ARHGAP42: variants seen among roughly 807,000 people sequenced by gnomAD.
The protein encoded by ARHGAP42 is Rho GTPase activating protein 42.
Under a neutral mutation model 125.0 loss-of-function variants are expected in ARHGAP42, and 63 were observed. That is an observed-to-expected ratio of 0.50 (90% CI 0.41 to 0.62). The LOEUF (loss-of-function observed/expected upper bound fraction) is 0.62, where lower values mean the gene tolerates loss of function less well. Among genes scored for constraint, ARHGAP42 ranks in the 20% least tolerant of loss-of-function variants. ARHGAP42 has a pLI of 0.00. For synonymous variants in ARHGAP42, 339 were observed against 351.0 expected, an observed-to-expected ratio of 0.97 and a Z score of 0.38; for missense variants, 766 against 1,024.2, an observed-to-expected ratio of 0.75 and a Z score of 3.44.
At chr11:100,901,233 G>A (rs1866537062) in intron 4 of ARHGAP42, among the ~76,000 whole-genome samples, 1 of 152,194 alleles carries the variant, frequency 6.6e-6, no homozygotes, top group South Asian at 2.1e-4. Context: ...CAGCAGAACA[G>A]CAAATATCGC....
chr11:100,933,852 A>G (rs1367923494), intron 7 of ARHGAP42, among the ~76,000 whole-genome samples: 1 of 152,048 alleles, frequency 6.6e-6, no homozygotes, highest in Admixed American at 6.6e-5. Context: ...CAATGGCATG[A>G]TCTCGGCTCA....
intron 1 of ARHGAP42, among the ~76,000 whole-genome samples, chr11:100,693,256 C>A (rs962733538): frequency 6.6e-6 from 1 of 151,066 alleles, no homozygotes; most frequent in Admixed American, 6.6e-5. Flanking sequence ...TGTAGTTGGG[C>A]AGCCTAATCA....
intron 3 of ARHGAP42, among the ~76,000 whole-genome samples, chr11:100,809,808 A>C (rs2135057363): frequency 6.6e-6 from 1 of 152,164 alleles, no homozygotes; most frequent in African/African-American, 2.4e-5. Context: ...TACAAAAATT[A>C]GCTGGGCATG....
intron 1 of ARHGAP42, among the ~76,000 whole-genome samples, chr11:100,690,905 C>T (rs1473999207): frequency 1.3e-5 from 2 of 152,102 alleles, no homozygotes; most frequent in African/African-American, 4.8e-5. Flanking sequence ...CGGCCAACAT[C>T]CATTATTACG....
chr11:100,859,689 GATGTTA>G, intron 4 of ARHGAP42, 64 bp downstream of exon 4: 1 of 1,264,334 alleles, frequency 7.9e-7, no homozygotes, highest in South Asian at 1.6e-5. Flanking sequence ...CATAATTTCA[GATGTTA>G]ACATTTTTGA....
chr11:100,936,981 G>A (rs556082919), intron 8 of ARHGAP42, among the ~76,000 whole-genome samples: 11 of 152,308 alleles, frequency 7.2e-5, no homozygotes, highest in Admixed American at 4.6e-4. Context: ...ATGCCCTAAG[G>A]CATCATTCTC....
chr11:100,743,753 G>T (rs888021326), intron 1 of ARHGAP42, among the ~76,000 whole-genome samples: 3 of 151,996 alleles, frequency 2.0e-5, no homozygotes, highest in Non-Finnish European at 2.9e-5. Flanking sequence ...TGAATGCTTT[G>T]TTCATTTCTT....
chr11:100,992,683 G>T lies in ARHGAP42; in HGVS notation c.*3882G>T, dbSNP rs1368718411. On this transcript the variant is annotated 3_prime_UTR_variant, in exon 24 of 24. Transcript: ENST00000298815. ...CACTTGGTAATAACGTTGGGAAAATGCAGGTTTATGAATGATGTGGACTTT... is the reference window on the plus strand; with the variant it reads ...CACTTGGTAATAACGTTGGGAAAATTCAGGTTTATGAATGATGTGGACTTT... 3 of 1,589,968 alleles carry T rather than the reference G, an allele frequency of 1.9e-6. No homozygotes were observed. The highest frequency in any genetic ancestry group is 3.6e-5 in the Admixed American group (2 of 55,932).
intron 5 of ARHGAP42, among the ~76,000 whole-genome samples, chr11:100,916,290 A>G (rs745726924): frequency 1.6e-3 from 249 of 152,350 alleles, no homozygotes; most frequent in Non-Finnish European, 1.7e-3. Context: ...ACCTGAATGC[A>G]TAAAAATAAG....
intron 3 of ARHGAP42, among the ~76,000 whole-genome samples, chr11:100,825,395 T>C (rs1027882671): frequency 1.3e-5 from 2 of 152,198 alleles, no homozygotes; most frequent in African/African-American, 4.8e-5. Flanking sequence ...AATGCTGCAT[T>C]TAGTTTTAGG....
chr11:100,950,057 A>G, intron 12 of ARHGAP42, 101 bp downstream of exon 12: 1 of 615,094 alleles, frequency 1.6e-6, no homozygotes, highest in Middle Eastern at 4.9e-4. Context: ...GTATAACACC[A>G]TTGATCTCAT....
intron 1 of ARHGAP42, among the ~76,000 whole-genome samples, chr11:100,713,127 A>T (rs1363869884): frequency 6.6e-6 from 1 of 152,242 alleles, no homozygotes; most frequent in East Asian, 1.9e-4. Flanking sequence ...TTCTCCTGGA[A>T]AACAGATTTA....
At chr11:100,747,915 C>T (rs549855289) in intron 1 of ARHGAP42, among the ~76,000 whole-genome samples, 7 of 152,142 alleles carry the variant, frequency 4.6e-5, no homozygotes, top group Admixed American at 3.3e-4. Flanking sequence ...TCTAAACAAC[C>T]ATTTAATTTA....
chr11:100,966,845 C>G (rs114634196), intron 17 of ARHGAP42, among the ~76,000 whole-genome samples: 2 of 152,118 alleles, frequency 1.3e-5, no homozygotes, highest in African/African-American at 4.8e-5. Context: ...TTTAAACTTA[C>G]TTAAGAATTT....
At chr11:100,955,795 G>A (rs569680389) in intron 12 of ARHGAP42, among the ~76,000 whole-genome samples, 5 of 65,120 alleles carry the variant, frequency 7.7e-5, no homozygotes, top group Non-Finnish European at 8.9e-5. Flanking sequence ...AAGAGTTCCC[G>A]GGTGTTTTTG....
chr11:100,934,290 TG>T (rs1418747276), intron 7 of ARHGAP42, among the ~76,000 whole-genome samples: 2 of 152,128 alleles, frequency 1.3e-5, no homozygotes, highest in African/African-American at 4.8e-5. Flanking sequence ...TTGTAGTTCA[TG>T]GGCATGATGT....
At chr11:100,794,481 C>T (rs1266205734) in intron 2 of ARHGAP42, among the ~76,000 whole-genome samples, 1 of 152,148 alleles carries the variant, frequency 6.6e-6, no homozygotes, top group African/African-American at 2.4e-5. Context: ...AATGCAGATT[C>T]TGGGGTGGGG....
intron 3 of ARHGAP42, chr11:100,859,240 T>C (rs1239941922): frequency 4.5e-6 from 1 of 223,570 alleles, no homozygotes; most frequent in East Asian, 1.0e-4. Flanking sequence ...TATAGGTATT[T>C]GTAAATTTAA....
At position 100,796,306 on chromosome 11, in the gene ARHGAP42, T is replaced by C. The variant is rs1863712338; in HGVS notation, c.312+1140T>C. ...CAAATAAGACTGTGAACATAATAAA[T>C]GGTGAGTGTGTTCTGACTGCTGTAC... On this transcript the variant is annotated intron_variant, in intron 3 of 23. Coordinates refer to ENST00000298815, the MANE Select transcript of ARHGAP42 (RefSeq NM_152432.4). Among the ~76,000 whole-genome samples the C allele has an allele frequency of 2.0e-5, 3 of 152,346 alleles. No homozygotes were observed. In the South Asian group the frequency reaches 6.2e-4, roughly 32 times the overall value.
Sources: gnomAD v4.1 joint callset for allele counts (sites outside exome capture counted in the v4.1 genomes callset) on GRCh38, gnomAD v4.1.1 for gene constraint, MANE v1.5 for transcripts, NCBI Gene and HGNC (gene_info 2026-07-23, HGNC 2026-07-21) for gene names.